HIVEP3: variants seen among roughly 807,000 people sequenced by gnomAD.
HIVEP3 encodes transcription factor HIVEP3.
In HIVEP3, 49 loss-of-function variants were observed where a neutral mutation model predicts 152.8. That is an observed-to-expected ratio of 0.32 (90% CI 0.26 to 0.41). HIVEP3 has a LOEUF of 0.41. Among genes scored for constraint, HIVEP3 ranks in the 10% least tolerant of loss-of-function variants. The pLI is 1.00. For synonymous variants in HIVEP3, 1,269 were observed against 1,289.0 expected, an observed-to-expected ratio of 0.98 and a Z score of 0.33; for missense variants, 2,790 against 3,103.3, an observed-to-expected ratio of 0.90 and a Z score of 2.40.
chr1:41,794,024 C>T (rs536509083), intron 1 of HIVEP3, among the ~76,000 whole-genome samples: 1 of 152,166 alleles, frequency 6.6e-6, no homozygotes. Flanking sequence ...GCAAACAATA[C>T]AGTGAAGAGC....
At chr1:41,976,896 G>A (rs7536718) in intron 1 of HIVEP3, among the ~76,000 whole-genome samples, 3,151 of 152,280 alleles carry the variant, frequency 0.021, 64 homozygotes, top group Non-Finnish European at 0.025. Context: ...GAGGGAGCAC[G>A]GCCTTGTGGA....
At chr1:41,846,013 A>C (rs1275067525) in intron 1 of HIVEP3, among the ~76,000 whole-genome samples, 1 of 152,178 alleles carries the variant, frequency 6.6e-6, no homozygotes, top group Non-Finnish European at 1.5e-5. Flanking sequence ...GCAGTGAGCC[A>C]AGATTGCGCC....
chr1:41,700,841 C>A, intron 2 of HIVEP3, 75 bp downstream of exon 2: 1 of 653,012 alleles, frequency 1.5e-6, no homozygotes, highest in Non-Finnish European at 1.9e-6. Context: ...ACCTCCTGGC[C>A]TCAAAACACA....
At chr1:41,818,799 C>A (rs1432193208) in intron 1 of HIVEP3, among the ~76,000 whole-genome samples, 1 of 152,218 alleles carries the variant, frequency 6.6e-6, no homozygotes, top group Admixed American at 6.5e-5. Flanking sequence ...ATTCCAACCT[C>A]TGCCCCTTCT....
intron 7 of HIVEP3, among the ~76,000 whole-genome samples, chr1:41,516,611 G>C (rs1642614282): frequency 6.6e-6 from 1 of 152,204 alleles, no homozygotes; most frequent in African/African-American, 2.4e-5. Flanking sequence ...GCACAGGCCA[G>C]AGGACGCCCT....
intron 5 of HIVEP3, among the ~76,000 whole-genome samples, chr1:41,545,815 C>T (rs1309430771): frequency 6.6e-6 from 1 of 151,208 alleles, no homozygotes; most frequent in Non-Finnish European, 1.5e-5. Context: ...ACCACCACCA[C>T]CACCACCACT....
chr1:41,513,533 G>A lies in HIVEP3; in HGVS notation c.5688C>T (p.Pro1896=), dbSNP rs779435438. 1.8e-5 allele frequency: 29 copies of A among 1,607,444 alleles called. No individual in the cohort carries two copies. The East Asian group carries it at 6.5e-4, about 36-fold the overall frequency. ...CATCTGGGGGCTGAGGGCCCAGGAT[G>A]GGTGAGGAGTCTGCCCGCAGTGCAT... is the stretch of plus-strand genomic sequence containing the variant. ...PPHALRADSS[P]ILGPQPPDAP... is the part of the protein sequence containing the mutation. The change falls in exon 8 of 9, where the codon CCC becomes CCT. Residue 1896 remains proline, a synonymous_variant. Transcript: ENST00000372583.
chr1:41,512,990 G>A lies in HIVEP3; in HGVS notation c.6231C>T (p.Ala2077=), dbSNP rs747687098. The change falls in exon 8 of 9, where the codon GCC becomes GCT. Residue 2077 remains alanine (A), a synonymous_variant. Transcript: ENST00000372583. ...SPTRRWSPGQ[A]ESPPRSAPPG... ...GCGGCGCTGACCGTGGTGGTGACTC[G>A]GCCTGACCTGGAGACCATCTCCTGG... The A allele has an allele frequency of 1.2e-5, 20 of 1,613,224 alleles. 1 individual carries two copies. The highest frequency in any genetic ancestry group is 5.0e-5 in the Admixed American group (3 of 59,978).
chr1:41,919,864 T>C (rs1644926048), upstream of HIVEP3, among the ~76,000 whole-genome samples: 1 of 152,188 alleles, frequency 6.6e-6, no homozygotes, highest in African/African-American at 2.4e-5. Flanking sequence ...AAGGCAAATG[T>C]CTTTGACAGT....
intron 1 of HIVEP3, among the ~76,000 whole-genome samples, chr1:41,843,477 G>A (rs115439793): frequency 0.011 from 1,628 of 152,006 alleles, 21 homozygotes; most frequent in African/African-American, 0.037. Context: ...TAGGGAACAC[G>A]CCATCCTCCC....
chr1:41,512,601 C>T (rs1229295657), intron 8 of HIVEP3, among the ~76,000 whole-genome samples: 1 of 152,234 alleles, frequency 6.6e-6, no homozygotes, highest in East Asian at 1.9e-4. Flanking sequence ...CTCTGTGCTT[C>T]TGAGGCTAAA....
At chr1:41,589,045 C>G (rs1223185752) in intron 3 of HIVEP3, among the ~76,000 whole-genome samples, 1 of 152,202 alleles carries the variant, frequency 6.6e-6, no homozygotes, top group Non-Finnish European at 1.5e-5. Flanking sequence ...GACCAACAGA[C>G]ACTAAGAAAA....
chr1:41,869,135 C>T (rs1644034098), intron 1 of HIVEP3, among the ~76,000 whole-genome samples: 2 of 152,172 alleles, frequency 1.3e-5, no homozygotes, highest in African/African-American at 4.8e-5. Flanking sequence ...CAGGTGATGG[C>T]TCTCCCATCG....
At chr1:41,870,030 C>T (rs962818997) in intron 1 of HIVEP3, among the ~76,000 whole-genome samples, 1 of 152,112 alleles carries the variant, frequency 6.6e-6, no homozygotes, top group Non-Finnish European at 1.5e-5. Context: ...TGAAACGGAG[C>T]AGAATGTGAG....
At chr1:42,033,076 T>C (rs1446848091) in intron 1 of HIVEP3, among the ~76,000 whole-genome samples, 1 of 152,120 alleles carries the variant, frequency 6.6e-6, no homozygotes, top group Admixed American at 6.5e-5. Flanking sequence ...GAGGGATTTA[T>C]CCACTGGATA....
At chr1:42,002,729 C>T (rs58877046) in intron 1 of HIVEP3, among the ~76,000 whole-genome samples, 3,154 of 152,250 alleles carry the variant, frequency 0.021, 92 homozygotes, top group African/African-American at 0.071. Context: ...TTCCACTCTC[C>T]TGTACAAGTC....
chr1:41,612,503 C>A (rs1484645332), intron 3 of HIVEP3, among the ~76,000 whole-genome samples: 1 of 152,178 alleles, frequency 6.6e-6, no homozygotes, highest in Non-Finnish European at 1.5e-5. Context: ...CAAAACAGCC[C>A]TCTGGGAAGG....
At chr1:41,811,921 A>T (rs1394827890) in intron 1 of HIVEP3, among the ~76,000 whole-genome samples, 1 of 152,166 alleles carries the variant, frequency 6.6e-6, no homozygotes, top group Non-Finnish European at 1.5e-5. Flanking sequence ...TATTCTAAAG[A>T]TGAGCAAGCA....
At chr1:41,857,504 GA>G (rs111289363) in intron 1 of HIVEP3, among the ~76,000 whole-genome samples, 3,473 of 147,452 alleles carry the variant, frequency 0.024, 45 homozygotes, top group Non-Finnish European at 0.023. Context: ...ACCAAGTATA[GA>G]AAAAAAAAAA....
Sources: gnomAD v4.1 joint callset for allele counts (sites outside exome capture counted in the v4.1 genomes callset) on GRCh38, gnomAD v4.1.1 for gene constraint, MANE v1.5 for transcripts, NCBI Gene and HGNC (gene_info 2026-07-23, HGNC 2026-07-21) for gene names.